Variants in GPC5 observed in about 807,000 individuals in gnomAD.
The protein encoded by GPC5 is glypican 5, also known as glypican-5.
GPC5 carries 47 observed loss-of-function variants against 53.9 expected under a neutral mutation model. That is an observed-to-expected ratio of 0.87 (90% CI 0.69 to 1.11). The LOEUF (loss-of-function observed/expected upper bound fraction) is 1.11, where lower values mean the gene tolerates loss of function less well. Among genes scored for constraint, GPC5 ranks in the 50% most tolerant of loss-of-function variants. The pLI is 0.00. For missense variants in GPC5, 748 were observed against 713.1 expected (o/e 1.05, Z -0.56); for synonymous variants, 286 against 263.3 (o/e 1.09, Z -0.84).
intron 6 of GPC5, among the ~76,000 whole-genome samples, chr13:92,025,790 T>G (rs918839741): frequency 6.6e-6 from 1 of 152,312 alleles, no homozygotes; most frequent in East Asian, 1.9e-4. Flanking sequence ...AATATGATCC[T>G]TGATATTTCT....
At chr13:92,626,756 G>T (rs1429453540) in intron 7 of GPC5, among the ~76,000 whole-genome samples, 1 of 152,120 alleles carries the variant, frequency 6.6e-6, no homozygotes, top group Admixed American at 6.6e-5. Context: ...ATGGAAAGAA[G>T]ATAGGAGTAA....
chr13:92,734,523 A>C (rs1442020357), intron 7 of GPC5, among the ~76,000 whole-genome samples: 2 of 151,936 alleles, frequency 1.3e-5, no homozygotes, highest in Admixed American at 1.3e-4. Flanking sequence ...AAAAATAACA[A>C]TTATGAATTA....
chr13:91,505,967 A>G (rs1209880826), intron 2 of GPC5, among the ~76,000 whole-genome samples: 1 of 151,960 alleles, frequency 6.6e-6, no homozygotes, highest in Non-Finnish European at 1.5e-5. Context: ...TTTTTTGTAG[A>G]ATAGGATTTA....
chr13:92,517,563 G>A (rs1405708149), intron 7 of GPC5, among the ~76,000 whole-genome samples: 6 of 152,152 alleles, frequency 3.9e-5, no homozygotes, highest in Admixed American at 3.9e-4. Context: ...TGATACCCAG[G>A]CAAACAGGGT....
chr13:92,586,968 A>G (rs1335630535), intron 7 of GPC5, among the ~76,000 whole-genome samples: 2 of 144,992 alleles, frequency 1.4e-5, no homozygotes, highest in South Asian at 2.1e-4. Context: ...ACACACGCGC[A>G]CACACACACA....
intron 6 of GPC5, among the ~76,000 whole-genome samples, chr13:92,139,781 G>A (rs1486133524): frequency 6.6e-6 from 1 of 151,368 alleles, no homozygotes; most frequent in African/African-American, 2.4e-5. Context: ...AGTTTTTCTA[G>A]AACATCAGGG....
chr13:91,701,425 G>T (rs1166125182), intron 3 of GPC5, among the ~76,000 whole-genome samples: 1 of 152,052 alleles, frequency 6.6e-6, no homozygotes, highest in African/African-American at 2.4e-5. Context: ...ACATAAAAAT[G>T]AGATTCATAC....
chr13:92,411,600 G>A (rs1324386520), intron 7 of GPC5, among the ~76,000 whole-genome samples: 1 of 152,136 alleles, frequency 6.6e-6, no homozygotes, highest in Non-Finnish European at 1.5e-5. Context: ...AGATAATCAC[G>A]TTGCAATGTG....
chr13:92,814,999 A>G (rs927440892), intron 7 of GPC5, among the ~76,000 whole-genome samples: 7 of 152,020 alleles, frequency 4.6e-5, no homozygotes, highest in African/African-American at 1.7e-4. Context: ...ACAATTTTAT[A>G]TGTTAGGAAG....
In GPC5 at chr13:92,792,634, A is replaced by G. The variant is rs534920467; in HGVS notation, c.1562-73648A>G. On this transcript the variant is annotated intron_variant, in intron 7 of 7. Transcript: ENST00000377067. Reference sequence around the variant, plus strand: ...CAAGACCCATCAGTGTGCTGTATTCAGGAGACCCATCTCATGTGCAGACAC... The same window carrying G: ...CAAGACCCATCAGTGTGCTGTATTCGGGAGACCCATCTCATGTGCAGACAC... Among the ~76,000 whole-genome samples, 22 of 152,266 alleles carry G rather than the reference A, an allele frequency of 1.4e-4. No homozygotes were observed. In the East Asian group the frequency reaches 1.5e-3, roughly 11 times the overall value.
chr13:92,667,720 C>A (rs946698570), intron 7 of GPC5, among the ~76,000 whole-genome samples: 6 of 152,122 alleles, frequency 3.9e-5, no homozygotes, highest in African/African-American at 1.4e-4. Flanking sequence ...TTTGCGGACA[C>A]GCTTGACTCT....
At chr13:92,622,101 T>A (rs1051900626) in intron 7 of GPC5, among the ~76,000 whole-genome samples, 1 of 152,166 alleles carries the variant, frequency 6.6e-6, no homozygotes, top group African/African-American at 2.4e-5. Context: ...TTGCCACAGC[T>A]TCCAGCCCTC....
intron 5 of GPC5, among the ~76,000 whole-genome samples, chr13:91,892,886 T>C (rs577512733): frequency 1.8e-3 from 270 of 152,076 alleles, no homozygotes; most frequent in Admixed American, 3.1e-3. Flanking sequence ...TTTATCTTTT[T>C]TATATTTACC....
intron 7 of GPC5, among the ~76,000 whole-genome samples, chr13:92,730,968 G>A (rs1441716538): frequency 6.6e-6 from 1 of 151,296 alleles, no homozygotes; most frequent in East Asian, 1.9e-4. Flanking sequence ...ATGAGATTAG[G>A]GAGGACTCCT....
At chr13:92,111,059 T>C (rs960869564) in intron 6 of GPC5, among the ~76,000 whole-genome samples, 1 of 152,180 alleles carries the variant, frequency 6.6e-6, no homozygotes, top group Non-Finnish European at 1.5e-5. Context: ...TGGAATTATT[T>C]GGCTGCAACA....
chr13:91,464,985 A>G (rs186025527), intron 2 of GPC5, among the ~76,000 whole-genome samples: 166 of 152,252 alleles, frequency 1.1e-3, no homozygotes, highest in African/African-American at 3.8e-3. Flanking sequence ...TCTTTGCAGC[A>G]TCATCTGAAT....
At chr13:92,127,705 G>A in intron 6 of GPC5, among the ~76,000 whole-genome samples, 1 of 152,166 alleles carries the variant, frequency 6.6e-6, no homozygotes, top group East Asian at 1.9e-4. Context: ...GGGTAAACAG[G>A]GATAAAAGCT....
chr13:91,944,785 C>A (rs2039959896), intron 6 of GPC5, among the ~76,000 whole-genome samples: 2 of 152,274 alleles, frequency 1.3e-5, no homozygotes, highest in Middle Eastern at 3.4e-3. Flanking sequence ...GCGTTCCCTG[C>A]AATTATGGGC....
intron 7 of GPC5, among the ~76,000 whole-genome samples, chr13:92,357,800 T>C (rs990264058): frequency 1.3e-5 from 2 of 151,314 alleles, no homozygotes; most frequent in Admixed American, 6.6e-5. Flanking sequence ...AAGAGGAAAA[T>C]GTGCCCCCAT....
Sources: allele counts gnomAD v4.1 joint callset (sites outside exome capture counted in the v4.1 genomes callset), GRCh38; gene constraint gnomAD v4.1.1; transcripts MANE v1.5; gene names NCBI Gene and HGNC (gene_info 2026-07-23, HGNC 2026-07-21).